Variants in PRELID2 observed in about 807,000 individuals in gnomAD.
PRELID2 encodes PRELI domain-containing protein 2.
In PRELID2, 25 loss-of-function variants were observed where a neutral mutation model predicts 28.4. That is an observed-to-expected ratio of 0.88 (90% CI 0.64 to 1.23). The LOEUF (loss-of-function observed/expected upper bound fraction) is 1.23. Ranked by LOEUF, PRELID2 falls within the 50% of genes most tolerant of loss-of-function variation. The probability of loss-of-function intolerance (pLI) is 0.00; values close to 1 mark genes in which losing one functional copy is unlikely to be tolerated. For missense variants in PRELID2, 201 were observed against 214.4 expected (o/e 0.94, Z 0.39); for synonymous variants, 76 against 71.6 (o/e 1.06, Z -0.31).
intron 1 of PRELID2, among the ~76,000 whole-genome samples, chr5:145,744,420 G>C: frequency 6.6e-6 from 1 of 152,306 alleles, no homozygotes; most frequent in African/African-American, 2.4e-5. Context: ...AACAGGGGTT[G>C]TGAGACACCC....
At chr5:145,378,914 G>A in the PRELID2 span, among the ~76,000 whole-genome samples, 1 of 151,768 alleles carries the variant, frequency 6.6e-6, no homozygotes, top group Non-Finnish European at 1.5e-5. Context: ...CATCTTTGTG[G>A]GCTTATCTAC....
chr5:145,383,200 ATG>A, the PRELID2 span, among the ~76,000 whole-genome samples: 70 of 151,820 alleles, frequency 4.6e-4, no homozygotes, highest in African/African-American at 1.6e-3. Context: ...ATCCATATAC[ATG>A]TGTGTATATA....
chr5:145,295,827 T>C, the PRELID2 span, among the ~76,000 whole-genome samples: 1 of 152,048 alleles, frequency 6.6e-6, no homozygotes, highest in African/African-American at 2.4e-5. Context: ...ACAAAACAAG[T>C]AGACAATGTA....
the PRELID2 span, among the ~76,000 whole-genome samples, chr5:145,316,562 G>C: frequency 1.3e-5 from 2 of 152,114 alleles, no homozygotes; most frequent in African/African-American, 4.8e-5. Context: ...ACTTAAAGAA[G>C]GTTACCACAC....
intron 1 of PRELID2, among the ~76,000 whole-genome samples, chr5:145,693,942 CA>C (rs1459901111): frequency 6.6e-6 from 1 of 152,042 alleles, no homozygotes; most frequent in East Asian, 1.9e-4. Context: ...TTTGAGGCAG[CA>C]AAAATCATGA....
chr5:145,377,505 T>C, the PRELID2 span, among the ~76,000 whole-genome samples: 1 of 152,164 alleles, frequency 6.6e-6, no homozygotes, highest in Admixed American at 6.5e-5. Flanking sequence ...ATCTAAGTCT[T>C]TTTTAAGGTC....
the PRELID2 span, among the ~76,000 whole-genome samples, chr5:145,395,208 C>T: frequency 9.9e-3 from 1,506 of 151,440 alleles, 29 homozygotes; most frequent in African/African-American, 0.035. Context: ...TAGAACTGGA[C>T]ATTGCTGATT....
rs117318219 is a variant in PRELID2, at chr5:145,657,310, T to C, written n.70+107621A>G. 5.1e-4 allele frequency among the ~76,000 whole-genome samples: 78 copies of C among 152,158 alleles called. No individual in the cohort carries two copies. In the East Asian group the frequency reaches 0.014, roughly 28 times the overall value. ...AGAAAATCAACGTGAGAAGAAAAGT[T>C]TTCAAAAAAATAAATAAATAGGCAT... On this transcript the variant is annotated intron_variant and non_coding_transcript_variant, in intron 1 of 2. Coordinates refer to the PRELID2 transcript ENST00000510259.
intron 1 of PRELID2, among the ~76,000 whole-genome samples, chr5:145,593,594 A>G (rs975296537): frequency 6.6e-6 from 1 of 152,208 alleles, no homozygotes; most frequent in African/African-American, 2.4e-5. Flanking sequence ...AACTAATGAA[A>G]AAGAAAAGGA....
intron 4 of PRELID2, among the ~76,000 whole-genome samples, chr5:145,817,214 A>T (rs373032994): frequency 0.17 from 9,620 of 55,910 alleles, 1,845 homozygotes; most frequent in Non-Finnish European, 0.31. Context: ...TAAATAAATA[A>T]AAAAAAATAT....
At chr5:145,246,768 C>T in the PRELID2 span, among the ~76,000 whole-genome samples, 1 of 151,486 alleles carries the variant, frequency 6.6e-6, no homozygotes, top group Non-Finnish European at 1.5e-5. Context: ...AAGATGAAAC[C>T]TAACCAACTC....
rs192168201 is a variant in PRELID2 at position 145,622,565 on chromosome 5, G to A, written n.70+142366C>T. Among the ~76,000 whole-genome samples, 400 of 152,112 alleles carry A rather than the reference G, an allele frequency of 2.6e-3. 3 individuals carry two copies. Among genetic ancestry groups the A allele is most frequent in the Middle Eastern group, 6.9e-3 (2 of 290 alleles). ...TAATAATAATATTTATTGTGTATTC[G>A]TTAATAAAAGAATTAACCTACTGGG... On this transcript the variant is annotated intron_variant and non_coding_transcript_variant, in intron 1 of 2. Transcript: ENST00000510259.
At chr5:145,266,191 G>A in the PRELID2 span, among the ~76,000 whole-genome samples, 1 of 152,010 alleles carries the variant, frequency 6.6e-6, no homozygotes. Flanking sequence ...TCCAGGGGAT[G>A]TTGGGGAAGC....
At chr5:145,654,729 G>A (rs1754362169) in intron 1 of PRELID2, among the ~76,000 whole-genome samples, 1 of 152,074 alleles carries the variant, frequency 6.6e-6, no homozygotes, top group African/African-American at 2.4e-5. Context: ...CAATAAATTA[G>A]GTATTGATGG....
In PRELID2 at chr5:145,567,989, C is replaced by G. The variant is rs114986238; in HGVS notation, n.71-94674G>C. ...AGCCTCTCATTTAGACAGACTTGCC[C>G]AATCATAGCTACTGGTAATTCTGGA... On this transcript the variant is annotated intron_variant and non_coding_transcript_variant, in intron 1 of 2. Coordinates refer to the PRELID2 transcript ENST00000510259. 2.1e-3 allele frequency among the ~76,000 whole-genome samples: 319 copies of G among 152,278 alleles called. 2 individuals are homozygous for G. Among genetic ancestry groups the G allele is most frequent in the African/African-American group, 7.2e-3 (298 of 41,552 alleles).
chr5:145,483,997 C>T (rs1299827996), intron 1 of PRELID2, among the ~76,000 whole-genome samples: 3 of 152,166 alleles, frequency 2.0e-5, no homozygotes, highest in Non-Finnish European at 4.4e-5. Flanking sequence ...GTTGGCTACT[C>T]AGATAAATCA....
chr5:145,600,434 A>ATATATATATAT (rs1554078383), intron 1 of PRELID2, among the ~76,000 whole-genome samples: 14 of 120,098 alleles, frequency 1.2e-4, no homozygotes, highest in African/African-American at 5.3e-4. Context: ...AAAAAAAAAA[A>ATATATATATAT]ATATATATAT....
intron 1 of PRELID2, among the ~76,000 whole-genome samples, chr5:145,487,096 TG>T (rs1752224499): frequency 1.2e-5 from 1 of 81,860 alleles, no homozygotes; most frequent in African/African-American, 4.9e-5. Context: ...TGTGGTGGGG[TG>T]GGGGGAGGGG....
At chr5:145,781,515 G>A (rs188971992) in intron 5 of PRELID2, among the ~76,000 whole-genome samples, 6 of 150,978 alleles carry the variant, frequency 4.0e-5, no homozygotes, top group African/African-American at 1.2e-4. Flanking sequence ...GTTCCTAAAG[G>A]CACTTAGTCC....
Sources: allele counts gnomAD v4.1 joint callset (sites outside exome capture counted in the v4.1 genomes callset), GRCh38; gene constraint gnomAD v4.1.1; transcripts MANE v1.5; gene names NCBI Gene and HGNC (gene_info 2026-07-23, HGNC 2026-07-21).